Variants in COL26A1 observed in about 807,000 individuals in gnomAD.
The protein encoded by COL26A1 is collagen type XXVI alpha 1 chain.
A neutral mutation model predicts 59.3 loss-of-function variants in COL26A1; 41 were observed. That is an observed-to-expected ratio of 0.69 (90% CI 0.54 to 0.90). The LOEUF (loss-of-function observed/expected upper bound fraction) is 0.90. Ranked by LOEUF, COL26A1 falls within the 40% of genes least tolerant of loss-of-function variation. The pLI is 0.00. For synonymous variants in COL26A1, 266 were observed against 256.0 expected (o/e 1.04, Z -0.37); for missense variants, 612 against 602.3 (o/e 1.02, Z -0.17).
chr7:101,555,127 G>A (rs1369759482), intron 11 of COL26A1, among the ~76,000 whole-genome samples: 7 of 152,080 alleles, frequency 4.6e-5, no homozygotes, highest in East Asian at 1.9e-4. Flanking sequence ...GAGTGGCCTC[G>A]ACACCTGCCT....
Position 101,364,572 on chromosome 7 carries a change from CTTTTT to C in COL26A1, c.158+1394_158+1398del, listed in dbSNP as rs10596691. ...AGGACTGACCTCTTGTGCTTTCTTT[CTTTTT>C]TTTTTTTTTTTAATATAGGGTCTTG... On this transcript the variant is annotated intron_variant, in intron 1 of 12. Coordinates refer to ENST00000313669, the MANE Select transcript of COL26A1 (RefSeq NM_001278563.3). 5.6e-3 allele frequency among the ~76,000 whole-genome samples: 814 copies of C among 146,142 alleles called. 8 individuals are homozygous for C. Among genetic ancestry groups the C allele is most frequent in the Middle Eastern group, 0.011 (3 of 282 alleles).
At chr7:101,544,194 C>T in intron 6 of COL26A1, 98 bp downstream of exon 6, 1 of 835,528 alleles carries the variant, frequency 1.2e-6, no homozygotes, top group East Asian at 2.7e-5. Context: ...GCACCCACAG[C>T]CCTGATCTTG....
intron 3 of COL26A1, among the ~76,000 whole-genome samples, chr7:101,510,012 G>A (rs549242397): frequency 1.4e-5 from 2 of 138,044 alleles, no homozygotes; most frequent in Admixed American, 1.4e-4. Flanking sequence ...ATAGGCATAA[G>A]CCATCGCGCC....
chr7:101,378,161 C>T (rs1325003187), intron 1 of COL26A1, among the ~76,000 whole-genome samples: 3 of 152,072 alleles, frequency 2.0e-5, no homozygotes, highest in African/African-American at 7.2e-5. Context: ...AGGTGGATCA[C>T]CTTAGGTAAG....
At chr7:101,451,506 C>T (rs1793337546) in intron 3 of COL26A1, among the ~76,000 whole-genome samples, 1 of 148,782 alleles carries the variant, frequency 6.7e-6, no homozygotes, top group Admixed American at 6.8e-5. Context: ...AAGGAAATGC[C>T]AAGTAGAACA....
Position 101,544,106 on chromosome 7 carries a change from C to T in COL26A1, c.703+10C>T, listed in dbSNP as rs1353997325. On this transcript the variant is annotated intron_variant, in intron 6 of 12. Coordinates refer to ENST00000313669, the MANE Select transcript of COL26A1 (RefSeq NM_001278563.3). ...CCAGCGGGGCCGCCTGGTAAGAAAA[C>T]CCCCCACATATGTGATGTTGTCAAC... 2 of 1,586,142 alleles carry T rather than the reference C, an allele frequency of 1.3e-6. No homozygotes were observed. Among genetic ancestry groups the T allele is most frequent in the African/African-American group, 1.3e-5 (1 of 74,416 alleles).
At position 101,363,097 on chromosome 7, in the gene COL26A1, G is replaced by A; in HGVS notation, c.65G>A (p.Gly22Asp). The stretch of plus-strand genomic sequence containing the variant: ...CTCTGCGGGTCGGCGCTGGCCACCG[G>A]CTTCCTCTATCCCTTCTCGGCCGCA... ...CCLCGSALATGFLYPFSAAAL... is the reference protein window; with the variant it reads ...CCLCGSALATDFLYPFSAAAL... The change falls in exon 1 of 13, where the codon GGC becomes GAC. Residue 22 changes from glycine to aspartate, a missense_variant. Transcript: ENST00000313669. 6.4e-7 allele frequency: 1 copy of A among 1,564,624 alleles called. No homozygotes were observed. Among genetic ancestry groups the A allele is most frequent in the Non-Finnish European group, 8.6e-7 (1 of 1,164,126 alleles).
At chr7:101,521,634 G>A (rs1015910511) in intron 3 of COL26A1, among the ~76,000 whole-genome samples, 1 of 152,180 alleles carries the variant, frequency 6.6e-6, no homozygotes, top group East Asian at 1.9e-4. Flanking sequence ...GCAGCACATA[G>A]GGTGACAAGG....
intron 1 of COL26A1, among the ~76,000 whole-genome samples, chr7:101,401,581 AAAGGAG>A (rs1791999673): frequency 6.9e-6 from 1 of 145,936 alleles, no homozygotes. Context: ...AGGAGGAGGA[AAAGGAG>A]GAGGAAGAGG....
In COL26A1 at chr7:101,437,643, C is replaced by T. The variant is rs147060173; in HGVS notation, c.282-10041C>T. 2.2e-3 allele frequency among the ~76,000 whole-genome samples: 337 copies of T among 152,076 alleles called. 1 individual carries two copies. The highest frequency in any genetic ancestry group is 7.6e-3 in the African/African-American group (316 of 41,460). On this transcript the variant is annotated intron_variant, in intron 2 of 12. Coordinates refer to ENST00000313669, the MANE Select transcript of COL26A1 (RefSeq NM_001278563.3). ...AGGCTGGAGTGCAGTGGTACATTCACAGCTCGCTGCAAGCTCAAACTCCTG... is the reference window on the plus strand; with the variant it reads ...AGGCTGGAGTGCAGTGGTACATTCATAGCTCGCTGCAAGCTCAAACTCCTG...
chr7:101,462,561 C>T (rs1793641343), intron 3 of COL26A1, among the ~76,000 whole-genome samples: 1 of 152,150 alleles, frequency 6.6e-6, no homozygotes, highest in Admixed American at 6.6e-5. Flanking sequence ...AGGTGATCTG[C>T]CTGCCTCAGC....
At chr7:101,500,703 C>A (rs547424293) in intron 3 of COL26A1, among the ~76,000 whole-genome samples, 165 of 152,142 alleles carry the variant, frequency 1.1e-3, no homozygotes, top group Non-Finnish European at 9.1e-4. Flanking sequence ...CACCTGTAGT[C>A]CCAGCTACTT....
chr7:101,481,662 G>T (rs868014174), intron 3 of COL26A1, among the ~76,000 whole-genome samples: 2 of 151,488 alleles, frequency 1.3e-5, no homozygotes, highest in African/African-American at 2.4e-5. Flanking sequence ...TGTTGCGCAG[G>T]CTTGACTTGA....
At chr7:101,554,511 C>A (rs183095191) in intron 11 of COL26A1, among the ~76,000 whole-genome samples, 3 of 146,696 alleles carry the variant, frequency 2.0e-5, no homozygotes, top group African/African-American at 7.6e-5. Flanking sequence ...GTAGGAGAAT[C>A]GCTTGAGCCC....
At chr7:101,527,709 A>G (rs1329797858) in intron 3 of COL26A1, among the ~76,000 whole-genome samples, 1 of 152,002 alleles carries the variant, frequency 6.6e-6, no homozygotes, top group Non-Finnish European at 1.5e-5. Flanking sequence ...CACTTCCAAC[A>G]TACACCTATT....
intron 3 of COL26A1, among the ~76,000 whole-genome samples, chr7:101,521,797 G>A (rs574424218): frequency 6.6e-5 from 10 of 152,124 alleles, no homozygotes; most frequent in Admixed American, 6.5e-4. Flanking sequence ...CTCTCCCCAC[G>A]GGTAACCACT....
intron 3 of COL26A1, among the ~76,000 whole-genome samples, chr7:101,531,254 A>G (rs1483669425): frequency 6.6e-6 from 1 of 152,220 alleles, no homozygotes; most frequent in African/African-American, 2.4e-5. Flanking sequence ...TATAGGCGTG[A>G]GCCACCACAC....
At chr7:101,394,147 G>A (rs1190739829) in intron 1 of COL26A1, among the ~76,000 whole-genome samples, 2 of 152,046 alleles carry the variant, frequency 1.3e-5, no homozygotes, top group African/African-American at 2.4e-5. Flanking sequence ...CCTTGTAAGA[G>A]GGTAGCAAGA....
chr7:101,451,954 C>G (rs1485794222), intron 3 of COL26A1, among the ~76,000 whole-genome samples: 1 of 152,006 alleles, frequency 6.6e-6, no homozygotes, highest in African/African-American at 2.4e-5. Flanking sequence ...TGATCTGCAC[C>G]CATCGGCGTC....
Sources: allele counts gnomAD v4.1 joint callset (sites outside exome capture counted in the v4.1 genomes callset), GRCh38; gene constraint gnomAD v4.1.1; transcripts MANE v1.5; gene names NCBI Gene and HGNC (gene_info 2026-07-23, HGNC 2026-07-21).